Variants in ATXN1 observed in about 807,000 individuals in gnomAD.
The protein encoded by ATXN1 is ataxin-1.
ATXN1 carries 8 observed loss-of-function variants against 56.4 expected under a neutral mutation model. That is an observed-to-expected ratio of 0.14 (90% confidence interval 0.08 to 0.26). The LOEUF is 0.26. ATXN1 is among the 10% of genes least tolerant of loss of function. The pLI, the probability that ATXN1 is intolerant of heterozygous loss-of-function variation, is 1.00. For missense variants in ATXN1, 987 were observed against 1,106.5 expected (o/e 0.89, Z 1.53); for synonymous variants, 514 against 494.6 (o/e 1.04, Z -0.52).
At chr6:16,581,395 A>T (rs919659054) in intron 4 of ATXN1, among the ~76,000 whole-genome samples, 23 of 152,104 alleles carry the variant, frequency 1.5e-4, no homozygotes, top group African/African-American at 5.3e-4. Flanking sequence ...GGGATACAAT[A>T]GAGAAAAAGG....
At chr6:16,383,560 C>G (rs1240562900) in intron 6 of ATXN1, among the ~76,000 whole-genome samples, 1 of 152,132 alleles carries the variant, frequency 6.6e-6, no homozygotes, top group African/African-American at 2.4e-5. Flanking sequence ...ATAAGTTGCC[C>G]TTCCCCACCA....
At position 16,451,729 on chromosome 6, in the gene ATXN1, T is replaced by C. The variant is rs549251575; in HGVS notation, c.-161+34243A>G. ...AAGATCGTGCCATTGCTCTCCAGCG[T>C]GGGCAACAAGAGCAAAACTCCGTCT... On this transcript the variant is annotated intron_variant, in intron 6 of 7. Transcript: ENST00000436367. Among the ~76,000 whole-genome samples, 49 of 150,376 alleles carry C rather than the reference T, an allele frequency of 3.3e-4. 1 individual carries two copies. The South Asian group carries it at 0.01, about 31-fold the overall frequency.
At chr6:16,544,657 G>A (rs1437579658) in intron 4 of ATXN1, among the ~76,000 whole-genome samples, 2 of 152,188 alleles carry the variant, frequency 1.3e-5, no homozygotes, top group African/African-American at 4.8e-5. Flanking sequence ...GAACATCTAA[G>A]ATGAGAGCTG....
At chr6:16,689,523 T>TC (rs1758999559) in intron 2 of ATXN1, among the ~76,000 whole-genome samples, 4 of 130,450 alleles carry the variant, frequency 3.1e-5, no homozygotes, top group African/African-American at 1.3e-4. Context: ...TTTTTTTTCT[T>TC]TTTTTTTTTT....
chr6:16,414,854 T>C (rs2113556538), intron 6 of ATXN1, among the ~76,000 whole-genome samples: 1 of 152,344 alleles, frequency 6.6e-6, no homozygotes, highest in Admixed American at 6.5e-5. Context: ...TAGTCAATTT[T>C]TCTGGCTCTT....
intron 6 of ATXN1, among the ~76,000 whole-genome samples, chr6:16,446,022 C>G (rs1177994241): frequency 1.3e-5 from 2 of 151,928 alleles, no homozygotes; most frequent in African/African-American, 4.8e-5. Context: ...GATTTATAGT[C>G]CTTTGGGTAT....
intron 3 of ATXN1, chr6:16,616,039 A>C (rs1763202769): frequency 6.6e-6 from 1 of 150,950 alleles, no homozygotes; most frequent in Non-Finnish European, 1.5e-5. Flanking sequence ...TGTCTCAAGA[A>C]AAAAAAAAAT....
chr6:16,651,936 A>C (rs1287795959), intron 3 of ATXN1: 1 of 152,260 alleles, frequency 6.6e-6, no homozygotes, highest in Admixed American at 6.5e-5. Flanking sequence ...GATGCACGGC[A>C]AATGCCTCCC....
In ATXN1 at chr6:16,727,039, A is replaced by G. The variant is rs200209101; in HGVS notation, c.-615+26194T>C. ...TCATCACAGTTTGAAACAGACAGTGACTTATTACCCTAAAGCCTTTTCAAT... is the reference window on the plus strand; with the variant it reads ...TCATCACAGTTTGAAACAGACAGTGGCTTATTACCCTAAAGCCTTTTCAAT... On this transcript the variant is annotated intron_variant, in intron 2 of 7. Coordinates refer to ENST00000436367, the MANE Select transcript of ATXN1 (RefSeq NM_001128164.2). Among the ~76,000 whole-genome samples the G allele has an allele frequency of 2.4e-3, 371 of 152,292 alleles. 1 individual carries two copies. Among genetic ancestry groups the G allele is most frequent in the African/African-American group, 8.7e-3 (362 of 41,558 alleles).
At chr6:16,422,817 C>T (rs960723236) in intron 6 of ATXN1, among the ~76,000 whole-genome samples, 1 of 152,174 alleles carries the variant, frequency 6.6e-6, no homozygotes, top group Non-Finnish European at 1.5e-5. Context: ...CTTTGATCTG[C>T]CTTATCTCTG....
At chr6:16,387,365 TG>T (rs1287592133) in intron 6 of ATXN1, among the ~76,000 whole-genome samples, 12 of 152,110 alleles carry the variant, frequency 7.9e-5, no homozygotes, top group Admixed American at 2.6e-4. Context: ...AAACAGATAA[TG>T]TAGAGAGACA....
intron 4 of ATXN1, among the ~76,000 whole-genome samples, chr6:16,537,695 A>C (rs113127730): frequency 9.9e-5 from 15 of 151,874 alleles, no homozygotes; most frequent in African/African-American, 3.4e-4. Flanking sequence ...AACAAGAGTG[A>C]AACTCTGTCT....
intron 2 of ATXN1, among the ~76,000 whole-genome samples, chr6:16,722,537 C>G (rs897465471): frequency 2.0e-5 from 3 of 152,154 alleles, no homozygotes; most frequent in Non-Finnish European, 4.4e-5. Context: ...AAAACTGATT[C>G]CATACACTGA....
chr6:16,426,290 T>C (rs1759153133), intron 6 of ATXN1, among the ~76,000 whole-genome samples: 1 of 151,960 alleles, frequency 6.6e-6, no homozygotes, highest in South Asian at 2.1e-4. Flanking sequence ...GGTGGGGCAC[T>C]TGTGGGAAGG....
intron 2 of ATXN1, chr6:16,738,988 T>C (rs1224889344): frequency 6.6e-6 from 1 of 152,170 alleles, no homozygotes; most frequent in Admixed American, 6.5e-5. Flanking sequence ...TACTGAAATA[T>C]CTCTTCCATT....
intron 2 of ATXN1, among the ~76,000 whole-genome samples, chr6:16,724,154 G>C (rs78613242): frequency 6.6e-6 from 1 of 152,126 alleles, no homozygotes; most frequent in Admixed American, 6.5e-5. Flanking sequence ...CTTAAACCCC[G>C]AGTGACTGGC....
At position 16,538,417 on chromosome 6, in the gene ATXN1, TA is replaced by T. The variant is rs1457907849; in HGVS notation, c.-360-15730del. Among the ~76,000 whole-genome samples the T allele has an allele frequency of 1.4e-4, 21 of 152,332 alleles. No homozygotes were observed. In the South Asian group the frequency reaches 2.9e-3, roughly 21 times the overall value. On this transcript the variant is annotated intron_variant, in intron 4 of 7. Coordinates refer to ENST00000436367, the MANE Select transcript of ATXN1 (RefSeq NM_001128164.2). ...ATGATTCCAAAATAATTGTTCTTTT[TA>T]TTTTTTTAATCTTTTTTTTGTTTTT...
chr6:16,717,130 T>C (rs994053123), intron 2 of ATXN1, among the ~76,000 whole-genome samples: 21 of 152,230 alleles, frequency 1.4e-4, no homozygotes, highest in Admixed American at 1.2e-3. Context: ...CAGCACCTGA[T>C]GAAATATAGT....
At chr6:16,662,356 G>A (rs1237210921) in intron 2 of ATXN1, among the ~76,000 whole-genome samples, 5 of 151,472 alleles carry the variant, frequency 3.3e-5, no homozygotes, top group Admixed American at 6.6e-5. Context: ...TTTTGAAATA[G>A]AGTTTTGCTC....
Sources: gnomAD v4.1 joint callset for allele counts (sites outside exome capture counted in the v4.1 genomes callset) on GRCh38, gnomAD v4.1.1 for gene constraint, MANE v1.5 for transcripts, NCBI Gene and HGNC (gene_info 2026-07-23, HGNC 2026-07-21) for gene names.